The following CDH13 variants were observed in gnomAD, a reference collection of about 807,000 sequenced individuals.
The protein encoded by CDH13 is cadherin 13.
A neutral mutation model predicts 63.8 loss-of-function variants in CDH13; 24 were observed. The observed-to-expected ratio is 0.38, with a 90% CI of 0.27 to 0.53. The LOEUF (loss-of-function observed/expected upper bound fraction) is 0.53, where lower values mean the gene tolerates loss of function less well. CDH13 is among the 20% of genes least tolerant of loss of function. The pLI is 0.85. For missense variants in CDH13, 1,049 were observed against 903.1 expected (o/e 1.16, Z -2.07); for synonymous variants, 503 against 355.3 (o/e 1.42, Z -4.67).
At chr16:83,683,031 G>T (rs1915533984) in intron 10 of CDH13, among the ~76,000 whole-genome samples, 1 of 152,174 alleles carries the variant, frequency 6.6e-6, no homozygotes, top group African/African-American at 2.4e-5. Flanking sequence ...AGGCACCACT[G>T]CTCCTCGGCT....
chr16:82,744,420 TGTTCCTCGG>T (rs2034068256), intron 1 of CDH13, among the ~76,000 whole-genome samples: 1 of 152,156 alleles, frequency 6.6e-6, no homozygotes, highest in African/African-American at 2.4e-5. Context: ...AGTTTGGGAT[TGTTCCTCGG>T]GTTCCTAGGG....
At chr16:83,208,694 T>A (rs1356956803) in intron 4 of CDH13, among the ~76,000 whole-genome samples, 4 of 152,196 alleles carry the variant, frequency 2.6e-5, no homozygotes, top group Non-Finnish European at 4.4e-5. Context: ...TTTGTTCGCT[T>A]TGGTAGCCAG....
intron 7 of CDH13, among the ~76,000 whole-genome samples, chr16:83,536,684 G>T (rs1436861142): frequency 1.3e-5 from 2 of 152,184 alleles, no homozygotes; most frequent in East Asian, 3.8e-4. Context: ...TGGTTTGAGT[G>T]TTAAGGGGAG....
At chr16:83,523,274 T>C (rs941512404) in intron 7 of CDH13, among the ~76,000 whole-genome samples, 7 of 152,236 alleles carry the variant, frequency 4.6e-5, no homozygotes, top group African/African-American at 1.7e-4. Context: ...TAATAGGTGC[T>C]CAGCTAGCAT....
intron 10 of CDH13, among the ~76,000 whole-genome samples, chr16:83,714,611 A>G (rs1908612387): frequency 6.6e-6 from 1 of 152,218 alleles, no homozygotes; most frequent in Non-Finnish European, 1.5e-5. Context: ...AGTAGGAGGG[A>G]CAGTTTCAAA....
chr16:82,960,055 C>T lies in CDH13; in HGVS notation c.158-71955C>T, dbSNP rs150245563. On this transcript the variant is annotated intron_variant, in intron 2 of 13. Coordinates refer to ENST00000567109, the MANE Select transcript of CDH13 (RefSeq NM_001257.5). ...AAGAGTTTTGAGCAGTAAGGTGATG[C>T]AATCCTATTCATGTTTTAAAAACAT... 1.5e-3 allele frequency among the ~76,000 whole-genome samples: 223 copies of T among 152,248 alleles called. 5 individuals carry two copies. In the Middle Eastern group the frequency reaches 0.041, roughly 28 times the overall value.
chr16:82,663,280 A>G (rs1051034913), intron 1 of CDH13, among the ~76,000 whole-genome samples: 3 of 152,076 alleles, frequency 2.0e-5, no homozygotes, highest in Non-Finnish European at 4.4e-5. Context: ...TCTGCCTCCT[A>G]GGTTCAAGCG....
intron 2 of CDH13, among the ~76,000 whole-genome samples, chr16:82,979,765 G>C (rs922333262): frequency 9.2e-5 from 14 of 152,162 alleles, no homozygotes; most frequent in African/African-American, 2.4e-5. Context: ...TATGTGGTGA[G>C]CTTTTTCCTG....
intron 4 of CDH13, among the ~76,000 whole-genome samples, chr16:83,170,853 C>A (rs1177575281): frequency 6.6e-6 from 1 of 152,022 alleles, no homozygotes; most frequent in Non-Finnish European, 1.5e-5. Context: ...ACCCTTCTAA[C>A]TAGTTTTCCA....
At chr16:83,324,740 T>C (rs546650879) in intron 5 of CDH13, among the ~76,000 whole-genome samples, 1 of 152,360 alleles carries the variant, frequency 6.6e-6, no homozygotes, top group East Asian at 1.9e-4. Context: ...GACACATGTT[T>C]TTATTTCTCT....
intron 3 of CDH13, among the ~76,000 whole-genome samples, chr16:83,041,031 C>T (rs1313633555): frequency 6.6e-6 from 1 of 152,174 alleles, no homozygotes; most frequent in Non-Finnish European, 1.5e-5. Context: ...ACTGACTAAA[C>T]TTCCTAGAGA....
At chr16:83,324,696 C>G (rs1222934495) in intron 5 of CDH13, among the ~76,000 whole-genome samples, 4 of 152,184 alleles carry the variant, frequency 2.6e-5, no homozygotes, top group Non-Finnish European at 5.9e-5. Flanking sequence ...ATGAATAATA[C>G]TACTTTAAAA....
rs547651329 is a variant in CDH13, at chr16:83,003,400, A to T, written c.158-28610A>T. On this transcript the variant is annotated intron_variant, in intron 2 of 13. Coordinates refer to ENST00000567109, the MANE Select transcript of CDH13 (RefSeq NM_001257.5). ...CTGGCTTAAGTGGGTTTTTTTTTTT[A>T]ATTTTCTATCTCAAAAATCCAGGCT... Among the ~76,000 whole-genome samples, 201 of 150,376 alleles carry T rather than the reference A, an allele frequency of 1.3e-3. 1 individual carries two copies. The highest frequency in any genetic ancestry group is 4.6e-3 in the African/African-American group (189 of 40,912).
chr16:83,481,957 G>C (rs2073776465), intron 6 of CDH13, among the ~76,000 whole-genome samples: 1 of 152,186 alleles, frequency 6.6e-6, no homozygotes, highest in African/African-American at 2.4e-5. Context: ...GAGAGGCACA[G>C]GCATCACCCA....
intron 4 of CDH13, among the ~76,000 whole-genome samples, chr16:83,216,676 A>G (rs2039542942): frequency 6.9e-6 from 1 of 145,914 alleles, no homozygotes; most frequent in Non-Finnish European, 1.5e-5. Context: ...TCACATATAT[A>G]AAACCCCTAA....
intron 6 of CDH13, among the ~76,000 whole-genome samples, chr16:83,462,230 C>T (rs192975884): frequency 1.3e-5 from 2 of 152,352 alleles, no homozygotes; most frequent in African/African-American, 4.8e-5. Context: ...CCTGTCTCTG[C>T]TGCCTTAGCC....
chr16:82,829,202 G>A (rs542170812), intron 1 of CDH13: 41 of 152,308 alleles, frequency 2.7e-4, no homozygotes, highest in African/African-American at 9.1e-4. Flanking sequence ...GGCACAAGTC[G>A]AGGAGGAACA....
At chr16:83,178,401 C>G (rs1054151175) in intron 4 of CDH13, among the ~76,000 whole-genome samples, 3 of 152,174 alleles carry the variant, frequency 2.0e-5, no homozygotes, top group African/African-American at 7.2e-5. Flanking sequence ...GAAGTCCCCT[C>G]TGGCACTGAT....
intron 2 of CDH13, among the ~76,000 whole-genome samples, chr16:82,937,178 G>T (rs576325330): frequency 6.6e-6 from 1 of 152,242 alleles, no homozygotes; most frequent in South Asian, 2.1e-4. Context: ...CTGCTGCATT[G>T]TTTTGCTTTT....
Sources: allele counts gnomAD v4.1 joint callset (sites outside exome capture counted in the v4.1 genomes callset), GRCh38; gene constraint gnomAD v4.1.1; transcripts MANE v1.5; gene names NCBI Gene and HGNC (gene_info 2026-07-23, HGNC 2026-07-21).